ZP3: variants seen among roughly 807,000 people sequenced by gnomAD.
ZP3 encodes zona pellucida glycoprotein 3.
Under a neutral mutation model 35.6 loss-of-function variants are expected in ZP3, and 21 were observed. That is an observed-to-expected ratio of 0.59 (90% CI 0.42 to 0.85). The LOEUF (loss-of-function observed/expected upper bound fraction) is 0.85, where lower values mean the gene tolerates loss of function less well. ZP3 is among the 40% of genes least tolerant of loss of function. ZP3 has a pLI of 0.00. For synonymous variants in ZP3, 207 were observed against 214.5 expected (o/e 0.96, Z 0.31); for missense variants, 437 against 536.5 (o/e 0.81, Z 1.83).
intron 1 of ZP3, among the ~76,000 whole-genome samples, chr7:76,407,419 C>T (rs946703314): frequency 5.5e-4 from 84 of 152,140 alleles, no homozygotes; most frequent in African/African-American, 1.8e-3. Context: ...GCACCCTCCA[C>T]CTTCCAGGTT....
chr7:76,437,974 G>GC (rs1304016211), intron 5 of ZP3, among the ~76,000 whole-genome samples: 3 of 152,208 alleles, frequency 2.0e-5, no homozygotes, highest in African/African-American at 7.2e-5. Context: ...AAGATGGGCA[G>GC]CTGGACAACT....
At chr7:76,426,019 G>A (rs568490259) in intron 1 of ZP3, among the ~76,000 whole-genome samples, 1 of 151,044 alleles carries the variant, frequency 6.6e-6, no homozygotes, top group Admixed American at 6.6e-5. Flanking sequence ...GGAGGCAAAG[G>A]TTGCAGTGAG....
At chr7:76,412,236 A>T (rs1805266376) in intron 1 of ZP3, among the ~76,000 whole-genome samples, 1 of 151,932 alleles carries the variant, frequency 6.6e-6, no homozygotes, top group South Asian at 2.1e-4. Flanking sequence ...ATAACTGTTG[A>T]TGTATGCAAC....
At chr7:76,440,878 T>C (rs1272464468) in intron 7 of ZP3, among the ~76,000 whole-genome samples, 1 of 152,052 alleles carries the variant, frequency 6.6e-6, no homozygotes, top group African/African-American at 2.4e-5. Context: ...ATAGCAGTTG[T>C]TAAGATAATC....
At chr7:76,427,585 G>A (rs1033868584) in intron 1 of ZP3, among the ~76,000 whole-genome samples, 6 of 151,988 alleles carry the variant, frequency 3.9e-5, no homozygotes, top group African/African-American at 1.4e-4. Flanking sequence ...GTTCTGTGGG[G>A]CCCAGTGCTT....
chr7:76,437,941 T>G (rs1343340831), intron 5 of ZP3, among the ~76,000 whole-genome samples: 4 of 152,040 alleles, frequency 2.6e-5, no homozygotes, highest in African/African-American at 9.7e-5. Flanking sequence ...CTTGGAAGCT[T>G]CTTACTTGCA....
At chr7:76,400,882 C>G (rs1804801896) in intron 1 of ZP3, 4 of 1,324,610 alleles carry the variant, frequency 3.0e-6, no homozygotes, top group Admixed American at 2.0e-5. Context: ...GACTACAGCT[C>G]CCCTGAGATG....
Position 76,397,551 on chromosome 7 carries a change from C to G in ZP3, c.-313C>G, listed in dbSNP as rs779778771. 5 of 1,596,514 alleles carry G rather than the reference C, an allele frequency of 3.1e-6. No individual in the cohort carries two copies. The South Asian group carries it at 3.4e-5, about 11-fold the overall frequency. ...AGCGCGCCCGCGTCCTCGTGGTGGC[C>G]GCAGTTGTGCACACCCCAGCCCAGG... On this transcript the variant is annotated 5_prime_UTR_variant, in exon 1 of 9. Transcript: ENST00000336517.
chr7:76,428,103 A>G (rs1584059579), intron 1 of ZP3, among the ~76,000 whole-genome samples: 1 of 151,184 alleles, frequency 6.6e-6, no homozygotes, highest in Non-Finnish European at 1.5e-5. Flanking sequence ...AGGCAGGTGG[A>G]TCACCTGAGG....
rs370897133 is a variant in ZP3, at chr7:76,432,504, TAG to T, written c.432-420_432-419del. 4.4e-3 allele frequency among the ~76,000 whole-genome samples: 662 copies of T among 152,156 alleles called. 4 individuals are homozygous for T. Among genetic ancestry groups the T allele is most frequent in the South Asian group, 0.023 (109 of 4,820 alleles). On this transcript the variant is annotated intron_variant, in intron 2 of 7. Transcript: ENST00000394857. ...TGGCCTCTTTTCTTTTTTATAGAGA[TAG>T]AGTCTTGCTATGTTGTCCAGGCTGC...
intron 1 of ZP3, among the ~76,000 whole-genome samples, chr7:76,402,901 A>G (rs1236763648): frequency 2.6e-5 from 4 of 152,198 alleles, no homozygotes; most frequent in African/African-American, 7.2e-5. Context: ...TCCCGACCTC[A>G]GGTGATCCAT....
upstream of ZP3, among the ~76,000 whole-genome samples, chr7:76,423,025 G>GAAAGAAAGAAAGAA (rs1554624492): frequency 1.4e-3 from 104 of 75,838 alleles, no homozygotes; most frequent in South Asian, 4.2e-3. Context: ...GAGAGAGAGA[G>GAAAGAAAGAAAGAA]AGAAAGAAAG....
chr7:76,401,006 A>G, intron 1 of ZP3: 1 of 1,550,502 alleles, frequency 6.4e-7, no homozygotes, highest in Non-Finnish European at 8.7e-7. Context: ...TGGGGCACCT[A>G]CCTTGAAAGG....
intron 1 of ZP3, among the ~76,000 whole-genome samples, chr7:76,418,465 C>T (rs547523142): frequency 2.0e-5 from 3 of 146,894 alleles, no homozygotes; most frequent in Non-Finnish European, 3.0e-5. Flanking sequence ...GCAGAAGAAT[C>T]GCTTGAACCT....
intron 1 of ZP3, among the ~76,000 whole-genome samples, chr7:76,425,828 T>G (rs962896458): frequency 6.6e-6 from 1 of 151,820 alleles, no homozygotes; most frequent in South Asian, 2.1e-4. Context: ...AACTGGGGCC[T>G]GGTGTGGTGG....
chr7:76,436,569 A>G (rs1450284831), intron 5 of ZP3, among the ~76,000 whole-genome samples: 2 of 152,232 alleles, frequency 1.3e-5, no homozygotes, highest in African/African-American at 2.4e-5. Context: ...CCTTGTGGGA[A>G]GAGAAAGATC....
At chr7:76,419,183 A>G (rs1176761050) in intron 1 of ZP3, among the ~76,000 whole-genome samples, 2 of 152,220 alleles carry the variant, frequency 1.3e-5, no homozygotes, top group Admixed American at 6.6e-5. Flanking sequence ...ATTATTTATG[A>G]AAGTGGTCTA....
chr7:76,423,709 G>A (rs1229759272), upstream of ZP3, among the ~76,000 whole-genome samples: 6 of 152,008 alleles, frequency 3.9e-5, no homozygotes, highest in Non-Finnish European at 5.9e-5. Context: ...ATCCCTTGTG[G>A]TGAGGAGCTG....
At chr7:76,433,328 TA>T in intron 3 of ZP3, 141 bp from the exon 4 acceptor site, 1 of 889,122 alleles carries the variant, frequency 1.1e-6, no homozygotes. Flanking sequence ...CTAACTTTTC[TA>T]TTTTTAGTAG....
Sources: gnomAD v4.1 joint callset for allele counts (sites outside exome capture counted in the v4.1 genomes callset) on GRCh38, gnomAD v4.1.1 for gene constraint, MANE v1.5 for transcripts, NCBI Gene and HGNC (gene_info 2026-07-23, HGNC 2026-07-21) for gene names.